ADAMTSL1: variants seen among roughly 807,000 people sequenced by gnomAD.
ADAMTSL1 encodes ADAMTS like 1.
Under a neutral mutation model 201.8 loss-of-function variants are expected in ADAMTSL1, and 126 were observed. That is an observed-to-expected ratio of 0.62 (90% CI 0.54 to 0.72). The LOEUF (loss-of-function observed/expected upper bound fraction) is 0.72, where lower values mean the gene tolerates loss of function less well. Ranked by LOEUF, ADAMTSL1 falls within the 30% of genes least tolerant of loss-of-function variation. ADAMTSL1 has a pLI of 0.00. For missense variants in ADAMTSL1, 2,679 were observed against 2,277.8 expected (o/e 1.18, Z -3.59); for synonymous variants, 1,121 against 903.4 (o/e 1.24, Z -4.32).
intron 1 of ADAMTSL1, among the ~76,000 whole-genome samples, chr9:18,499,272 C>T (rs966100396): frequency 1.2e-4 from 19 of 152,240 alleles, no homozygotes; most frequent in African/African-American, 4.1e-4. Flanking sequence ...CCACACACTA[C>T]GCTCTTTAAG....
intron 23 of ADAMTSL1, 49 bp downstream of exon 23, chr9:18,830,026 G>C (rs2131263733): frequency 2.6e-6 from 4 of 1,557,634 alleles, no homozygotes; most frequent in Non-Finnish European, 3.5e-6. Flanking sequence ...GACTGGACAG[G>C]ATTTATGGAT....
At chr9:18,854,849 A>G (rs1439929943) in intron 23 of ADAMTSL1, among the ~76,000 whole-genome samples, 1 of 152,218 alleles carries the variant, frequency 6.6e-6, no homozygotes, top group Non-Finnish European at 1.5e-5. Flanking sequence ...CATTAAATCT[A>G]TTCTCAAAAT....
intron 1 of ADAMTSL1, among the ~76,000 whole-genome samples, chr9:17,997,663 G>A (rs1318502114): frequency 1.3e-5 from 2 of 151,942 alleles, no homozygotes; most frequent in African/African-American, 2.4e-5. Context: ...TTGAATTCAT[G>A]CATTACTGTT....
chr9:18,330,057 A>C (rs74819297), intron 2 of ADAMTSL1, among the ~76,000 whole-genome samples: 3,395 of 152,296 alleles, frequency 0.022, 120 homozygotes, highest in African/African-American at 0.078. Flanking sequence ...TCACATGATG[A>C]AATGAGACTT....
chr9:18,754,755 A>G (rs969943607), intron 16 of ADAMTSL1, among the ~76,000 whole-genome samples: 1 of 152,198 alleles, frequency 6.6e-6, no homozygotes, highest in Non-Finnish European at 1.5e-5. Flanking sequence ...CAAAACACTA[A>G]GTATGAAGCC....
intron 1 of ADAMTSL1, among the ~76,000 whole-genome samples, chr9:18,051,041 C>T (rs1821910192): frequency 6.6e-6 from 1 of 152,182 alleles, no homozygotes; most frequent in African/African-American, 2.4e-5. Context: ...GTGGCTCACG[C>T]CTGTAATCCC....
At chr9:18,010,603 A>G (rs369176610) in intron 1 of ADAMTSL1, among the ~76,000 whole-genome samples, 1 of 152,120 alleles carries the variant, frequency 6.6e-6, no homozygotes, top group East Asian at 1.9e-4. Context: ...GTTAGAGAAG[A>G]GGAAACCCCT....
chr9:18,021,830 T>C (rs1339346290), intron 1 of ADAMTSL1, among the ~76,000 whole-genome samples: 1 of 152,146 alleles, frequency 6.6e-6, no homozygotes, highest in African/African-American at 2.4e-5. Flanking sequence ...TCTTAATCTT[T>C]CCTGTTTCTT....
intron 23 of ADAMTSL1, among the ~76,000 whole-genome samples, chr9:18,868,123 G>T (rs1827657011): frequency 6.6e-6 from 1 of 152,042 alleles, no homozygotes; most frequent in Non-Finnish European, 1.5e-5. Flanking sequence ...ATCCTATCCA[G>T]TGAATTTTTT....
At chr9:18,132,349 G>A (rs1055036108) in intron 1 of ADAMTSL1, among the ~76,000 whole-genome samples, 3 of 152,046 alleles carry the variant, frequency 2.0e-5, no homozygotes, top group Non-Finnish European at 4.4e-5. Context: ...AATCAGTGGC[G>A]TTAAGTACAT....
chr9:18,030,360 A>C (rs1011110716), intron 1 of ADAMTSL1, among the ~76,000 whole-genome samples: 1 of 152,084 alleles, frequency 6.6e-6, no homozygotes, highest in Non-Finnish European at 1.5e-5. Context: ...GAACACATGG[A>C]CACAGGAAGG....
chr9:18,115,162 C>T (rs983034345), intron 1 of ADAMTSL1, among the ~76,000 whole-genome samples: 3 of 152,150 alleles, frequency 2.0e-5, no homozygotes, highest in Non-Finnish European at 4.4e-5. Context: ...ACATCATAGA[C>T]AATCCTGTAT....
intron 2 of ADAMTSL1, among the ~76,000 whole-genome samples, chr9:18,436,992 G>A (rs1819765517): frequency 6.6e-6 from 1 of 151,830 alleles, no homozygotes; most frequent in South Asian, 2.1e-4. Context: ...CTTCAGAACT[G>A]TCTCAAATTG....
At chr9:18,577,828 CAA>C (rs1266156445) in intron 4 of ADAMTSL1, among the ~76,000 whole-genome samples, 4 of 151,858 alleles carry the variant, frequency 2.6e-5, no homozygotes, top group Admixed American at 6.6e-5. Flanking sequence ...TTAAAAAAAA[CAA>C]AAAGAGACCT....
At chr9:18,361,603 C>G (rs1247427117) in intron 2 of ADAMTSL1, among the ~76,000 whole-genome samples, 1 of 152,126 alleles carries the variant, frequency 6.6e-6, no homozygotes, top group Non-Finnish European at 1.5e-5. Flanking sequence ...TGTTACACTC[C>G]GAAGCCACTT....
In ADAMTSL1 at chr9:18,753,733, T is replaced by C. The variant is rs367991054; in HGVS notation, c.2217+225T>C. 1.4e-4 allele frequency among the ~76,000 whole-genome samples: 22 copies of C among 152,308 alleles called. No individual in the cohort carries two copies. In the South Asian group the frequency reaches 4.6e-3, roughly 32 times the overall value. ...ACACCCCAGTGACCTCCAAAAGCAA[T>C]GCAGATGACCCATCTGTTAACCTGA... On this transcript the variant is annotated intron_variant, in intron 16 of 28. Transcript: ENST00000380548.
intron 1 of ADAMTSL1, among the ~76,000 whole-genome samples, chr9:18,105,158 C>A (rs1293224109): frequency 1.3e-5 from 2 of 152,184 alleles, no homozygotes; most frequent in Non-Finnish European, 2.9e-5. Context: ...ACCGTCTCCG[C>A]TCTTGGTTGT....
intron 1 of ADAMTSL1, among the ~76,000 whole-genome samples, chr9:17,935,270 C>T (rs1826958477): frequency 6.6e-6 from 1 of 152,118 alleles, no homozygotes; most frequent in African/African-American, 2.4e-5. Flanking sequence ...TTCCTCCTGC[C>T]TTATGGGTTG....
chr9:18,590,599 C>A (rs747844099), intron 4 of ADAMTSL1, among the ~76,000 whole-genome samples: 1 of 151,802 alleles, frequency 6.6e-6, no homozygotes, highest in Non-Finnish European at 1.5e-5. Flanking sequence ...CCTTGAGATG[C>A]ATCATTAGGT....
Sources: gnomAD v4.1 joint callset for allele counts (sites outside exome capture counted in the v4.1 genomes callset) on GRCh38, gnomAD v4.1.1 for gene constraint, MANE v1.5 for transcripts, NCBI Gene and HGNC (gene_info 2026-07-23, HGNC 2026-07-21) for gene names.